The following DAB2IP variants were observed in gnomAD, a reference collection of about 807,000 sequenced individuals.
DAB2IP encodes the protein disabled homolog 2-interacting protein.
A neutral mutation model predicts 107.2 loss-of-function variants in DAB2IP; 28 were observed. The ratio of observed to expected loss-of-function variants is 0.26; its 90% CI spans 0.19 to 0.36. The LOEUF is 0.36. DAB2IP is among the 10% of genes least tolerant of loss of function. The pLI is 1.00. For synonymous variants in DAB2IP, 755 were observed against 706.4 expected (o/e 1.07, Z -1.09); for missense variants, 1,400 against 1,644.7 (o/e 0.85, Z 2.57).
intron 14 of DAB2IP, among the ~76,000 whole-genome samples, chr9:121,778,827 T>C (rs1401841504): frequency 6.6e-6 from 1 of 152,208 alleles, no homozygotes; most frequent in East Asian, 1.9e-4. Flanking sequence ...TCATTGTCTT[T>C]GTTCCTCTGT....
At chr9:121,627,279 G>A (rs148272957) in intron 1 of DAB2IP, among the ~76,000 whole-genome samples, 2 of 152,006 alleles carry the variant, frequency 1.3e-5, no homozygotes, top group Non-Finnish European at 2.9e-5. Flanking sequence ...TCCACCTCGC[G>A]CTGCAGAACG....
upstream of DAB2IP, among the ~76,000 whole-genome samples, chr9:121,648,673 T>G (rs1273518422): frequency 2.0e-5 from 3 of 152,160 alleles, no homozygotes; most frequent in Non-Finnish European, 4.4e-5. Context: ...GCCTGTTCAC[T>G]GAGTGAAGGT....
At position 121,651,704 on chromosome 9, in the gene DAB2IP, G is replaced by T; in HGVS notation, c.-72G>T. 8.7e-7 allele frequency: 1 copy of T among 1,154,422 alleles called. No individual in the cohort carries two copies. The highest frequency in any genetic ancestry group is 1.1e-6 in the Non-Finnish European group (1 of 939,058). 71.5% of individuals were successfully genotyped at this position (1,154,422 alleles called of 1,614,324 possible). A position where few individuals can be genotyped will look rare whatever the true frequency, so the allele number is the denominator to read the frequency against. On this transcript the variant is annotated 5_prime_UTR_variant, in exon 1 of 16. Transcript: ENST00000408936. This position sits in a 1 kb window ranked among gnomAD's most constrained non-coding sequence, Gnocchi z 5.1. ...CGGGAGAACGCGTGGGCGCCCGCCGGGCTGTCCGGAGCGGCCGATGGGGCC... is the reference window on the plus strand; with the variant it reads ...CGGGAGAACGCGTGGGCGCCCGCCGTGCTGTCCGGAGCGGCCGATGGGGCC...
chr9:121,704,034 G>A (rs1331893213), intron 3 of DAB2IP, among the ~76,000 whole-genome samples: 1 of 152,180 alleles, frequency 6.6e-6, no homozygotes, highest in Non-Finnish European at 1.5e-5. Flanking sequence ...AAAGTTCATT[G>A]TTCCATCTTC....
chr9:121,578,314 C>CCT (rs895598998), intron 1 of DAB2IP, among the ~76,000 whole-genome samples: 6 of 150,914 alleles, frequency 4.0e-5, no homozygotes, highest in Admixed American at 1.3e-4. Flanking sequence ...TGTATCTCTG[C>CCT]CTCTCTCTCT....
chr9:121,674,577 TA>T (rs947689245), intron 1 of DAB2IP, among the ~76,000 whole-genome samples: 5 of 152,188 alleles, frequency 3.3e-5, no homozygotes, highest in African/African-American at 9.7e-5. Flanking sequence ...GAATGGAAGT[TA>T]AAGACTTCTG....
chr9:121,587,637 G>C (rs1006932475), intron 1 of DAB2IP, among the ~76,000 whole-genome samples: 1 of 151,828 alleles, frequency 6.6e-6, no homozygotes, highest in African/African-American at 2.4e-5. Flanking sequence ...AAAAGAATAG[G>C]GTTGAGAGGG....
intron 3 of DAB2IP, among the ~76,000 whole-genome samples, chr9:121,715,151 T>C (rs1322918539): frequency 2.0e-5 from 3 of 152,014 alleles, no homozygotes; most frequent in Non-Finnish European, 4.4e-5. Context: ...GGTGTCTCTT[T>C]AGCTAGGGTT....
At chr9:121,590,330 C>T (rs1411431798) in intron 1 of DAB2IP, among the ~76,000 whole-genome samples, 1 of 151,346 alleles carries the variant, frequency 6.6e-6, no homozygotes, top group Non-Finnish European at 1.5e-5. Flanking sequence ...GCTCCAGGGT[C>T]TTGTGGGCCT....
At chr9:121,754,520 T>C (rs1399157830) in intron 3 of DAB2IP, among the ~76,000 whole-genome samples, 1 of 152,120 alleles carries the variant, frequency 6.6e-6, no homozygotes, top group Non-Finnish European at 1.5e-5. Context: ...TCCCACCCCG[T>C]GGAGAAGCTC....
rs903782156 is a variant in DAB2IP at position 121,599,548 on chromosome 9, G to A, written c.40+32320G>A. Among the ~76,000 whole-genome samples, 1 of 151,948 alleles carries A rather than the reference G, an allele frequency of 6.6e-6. No homozygotes were observed. The highest frequency in any genetic ancestry group is 2.4e-5 in the African/African-American group (1 of 41,414). On this transcript the variant is annotated intron_variant, in intron 1 of 16. Coordinates refer to the DAB2IP transcript ENST00000259371. This position sits in a 1 kb window ranked among gnomAD's most constrained non-coding sequence, Gnocchi z 6.9. ...GGAGCCCGGGAGCCGTAGAGCGGCG[G>A]CGCCGGGGGAGGCGCGGAGCCGGCC...
intron 1 of DAB2IP, among the ~76,000 whole-genome samples, chr9:121,613,662 A>T (rs114883215): frequency 6.6e-6 from 1 of 152,136 alleles, no homozygotes; most frequent in Non-Finnish European, 1.5e-5. Flanking sequence ...GTTTGGCCAC[A>T]TGTGGTTTTT....
rs1202776430 is a variant in DAB2IP, at chr9:121,776,200, C to T, written c.3123C>T (p.Asp1041=). 1 of 1,571,832 alleles carries T rather than the reference C, an allele frequency of 6.4e-7. No individual in the cohort carries two copies. Among genetic ancestry groups the T allele is most frequent in the Non-Finnish European group, 8.6e-7 (1 of 1,158,820 alleles). ...CGTGGACGCTGCCCTCCTGGTAGGA[C>T]CTGGCGGTGCTGCAGGACAAGCTGC... Residue 1041 remains aspartate, a splice_region_variant and synonymous_variant, in exon 14 of 16, where the codon GAC becomes GAT. Transcript: ENST00000408936. This position sits in a 1 kb window ranked among gnomAD's most constrained non-coding sequence, Gnocchi z 5.4.
exon 13 of DAB2IP, chr9:121,774,381 G>C (rs762409892): frequency 6.2e-7 from 1 of 1,612,574 alleles, no homozygotes; most frequent in Non-Finnish European, 8.5e-7. Context: ...GATAGGCTAA[G>C]GAGTAAGGAC....
chr9:121,719,186 T>G (rs1004854678), intron 3 of DAB2IP, among the ~76,000 whole-genome samples: 5 of 152,118 alleles, frequency 3.3e-5, no homozygotes, highest in Non-Finnish European at 7.3e-5. Context: ...GGATGAGAAG[T>G]CATAGTGATC....
At chr9:121,740,288 T>G (rs1380785941) in intron 3 of DAB2IP, among the ~76,000 whole-genome samples, 3 of 152,216 alleles carry the variant, frequency 2.0e-5, no homozygotes, top group Non-Finnish European at 2.9e-5. Context: ...CCCAGCTCTC[T>G]GAGCCCTCTC....
chr9:121,573,529 C>T (rs372146885), intron 1 of DAB2IP, among the ~76,000 whole-genome samples: 15 of 152,000 alleles, frequency 9.9e-5, no homozygotes, highest in African/African-American at 2.4e-4. Flanking sequence ...GGACTACAGG[C>T]GCGCAACACC....
chr9:121,765,937 T>C (rs1834248450), intron 8 of DAB2IP, among the ~76,000 whole-genome samples: 1 of 152,144 alleles, frequency 6.6e-6, no homozygotes, highest in African/African-American at 2.4e-5. Flanking sequence ...GGTAGTCCCA[T>C]CTTCTTGATC....
At chr9:121,577,919 G>C (rs1395938905) in intron 1 of DAB2IP, among the ~76,000 whole-genome samples, 1 of 152,080 alleles carries the variant, frequency 6.6e-6, no homozygotes, top group East Asian at 1.9e-4. Context: ...GGGGTCCTTG[G>C]GGGCTGTCCC....
Sources: allele counts gnomAD v4.1 joint callset (sites outside exome capture counted in the v4.1 genomes callset), GRCh38; gene constraint gnomAD v4.1.1; non-coding constraint Gnocchi (gnomAD v3.1); transcripts MANE v1.5; gene names NCBI Gene and HGNC (gene_info 2026-07-23, HGNC 2026-07-21).